The following MIR2052HG variants were observed in gnomAD, a reference collection of about 807,000 sequenced individuals.
MIR2052HG encodes the protein MIR2052 host gene.
chr8:74,692,009 G>T (rs1809244075), intron 2 of MIR2052HG, among the ~76,000 whole-genome samples: 1 of 152,154 alleles, frequency 6.6e-6, no homozygotes, highest in East Asian at 1.9e-4. Flanking sequence ...ATTCTTGTCT[G>T]TATCTCTCAA....
At chr8:74,663,751 G>A (rs1411538910) in intron 2 of MIR2052HG, among the ~76,000 whole-genome samples, 1 of 152,156 alleles carries the variant, frequency 6.6e-6, no homozygotes, top group Non-Finnish European at 1.5e-5. Flanking sequence ...ATTTGGGGAA[G>A]CATATAGAAA....
chr8:74,750,468 G>T (rs1259981149), intron 4 of MIR2052HG, among the ~76,000 whole-genome samples: 1 of 152,106 alleles, frequency 6.6e-6, no homozygotes, highest in Non-Finnish European at 1.5e-5. Flanking sequence ...ATGATACTCT[G>T]CTAAAATATC....
chr8:74,604,127 G>T (rs561506120), intron 1 of MIR2052HG: 1 of 893,998 alleles, frequency 1.1e-6, no homozygotes, highest in African/African-American at 1.6e-5. Flanking sequence ...CTCTCCTCGC[G>T]CATCTTCTTA....
At chr8:74,727,187 T>C (rs1809645797) in intron 4 of MIR2052HG, among the ~76,000 whole-genome samples, 1 of 152,208 alleles carries the variant, frequency 6.6e-6, no homozygotes, top group Non-Finnish European at 1.5e-5. Context: ...TAAAATCTGC[T>C]CTACATACAC....
intron 4 of MIR2052HG, among the ~76,000 whole-genome samples, chr8:74,732,930 G>T (rs1369258402): frequency 6.6e-6 from 1 of 152,100 alleles, no homozygotes; most frequent in East Asian, 1.9e-4. Context: ...TTCTAAATAT[G>T]TTGGGAAGCC....
chr8:74,690,534 G>C (rs1473574955), intron 2 of MIR2052HG, among the ~76,000 whole-genome samples: 1 of 152,018 alleles, frequency 6.6e-6, no homozygotes, highest in Non-Finnish European at 1.5e-5. Context: ...TGTAGTCCCA[G>C]CTATTCTGGA....
chr8:74,674,136 T>TTG (rs60255659), intron 2 of MIR2052HG, among the ~76,000 whole-genome samples: 3,765 of 145,390 alleles, frequency 0.026, 59 homozygotes, highest in Middle Eastern at 0.052. Context: ...CCAGAGGTTT[T>TTG]TGTGTGTGTG....
chr8:74,703,497 T>C (rs1809378150), intron 3 of MIR2052HG: 1 of 315,828 alleles, frequency 3.2e-6, no homozygotes, highest in Non-Finnish European at 6.3e-6. Context: ...CTGTACTCCA[T>C]GGATAACAGC....
chr8:74,677,606 AGAAGTAATAAATATAAGGTACTAT>A (rs1809068908), intron 2 of MIR2052HG, among the ~76,000 whole-genome samples: 1 of 152,108 alleles, frequency 6.6e-6, no homozygotes, highest in African/African-American at 2.4e-5. Context: ...GTCAAAAACC[AGAAGTAATAAATATAAGGTACTAT>A]GAAGAACTGG....
chr8:74,604,244 T>G, intron 1 of MIR2052HG: 2 of 874,974 alleles, frequency 2.3e-6, no homozygotes, highest in Non-Finnish European at 3.9e-6. Flanking sequence ...CTGGTTTCCA[T>G]GTCGAGCAGT....
intron 2 of MIR2052HG, among the ~76,000 whole-genome samples, chr8:74,644,891 A>AAAAAT (rs901265989): frequency 2.6e-5 from 4 of 152,106 alleles, no homozygotes; most frequent in Non-Finnish European, 5.9e-5. Flanking sequence ...ACCCTGGCTC[A>AAAAAT]AAAATAAAAT....
intron 2 of MIR2052HG, among the ~76,000 whole-genome samples, chr8:74,622,054 G>A (rs1466741993): frequency 6.6e-6 from 1 of 152,084 alleles, no homozygotes; most frequent in East Asian, 1.9e-4. Context: ...AGACAAACGG[G>A]ATTATATCAA....
chr8:74,662,433 T>C (rs1241649672), intron 2 of MIR2052HG, among the ~76,000 whole-genome samples: 1 of 121,618 alleles, frequency 8.2e-6, no homozygotes, highest in Non-Finnish European at 1.7e-5. Flanking sequence ...TGGGGCCTGC[T>C]GAGGGGTGGG....
At chr8:74,623,976 G>C (rs1335996246) in intron 2 of MIR2052HG, among the ~76,000 whole-genome samples, 2 of 152,138 alleles carry the variant, frequency 1.3e-5, no homozygotes, top group Admixed American at 6.5e-5. Context: ...GGAAGCAGTG[G>C]AGCCAAGCAG....
chr8:74,603,551 C>T, intron 1 of MIR2052HG: 1 of 1,527,372 alleles, frequency 6.5e-7, no homozygotes, highest in Non-Finnish European at 9.1e-7. Flanking sequence ...TCCAAACCTG[C>T]ACTGAATCCA....
intron 2 of MIR2052HG, among the ~76,000 whole-genome samples, chr8:74,668,319 T>C (rs1036895536): frequency 2.6e-5 from 4 of 152,142 alleles, no homozygotes; most frequent in African/African-American, 9.7e-5. Context: ...GCAGATTATA[T>C]ATGTACACAC....
In MIR2052HG at chr8:74,634,986, CT is replaced by C. The variant is rs541635545; in HGVS notation, n.216+22047del. Among the ~76,000 whole-genome samples, 776 of 152,054 alleles carry C rather than the reference CT, an allele frequency of 5.1e-3. 3 individuals carry two copies. The highest frequency in any genetic ancestry group is 8.6e-3 in the Non-Finnish European group (586 of 67,970). On this transcript the variant is annotated intron_variant and non_coding_transcript_variant, in intron 2 of 6. Transcript: ENST00000523442. ...AGAAGGAAAATGTATATTCATTAGT[CT>C]AATTTTTATCTAATAATTCCATGAA...
chr8:74,660,828 C>CT (rs11436837), intron 2 of MIR2052HG, among the ~76,000 whole-genome samples: 103,184 of 151,818 alleles, frequency 0.68, 36,358 homozygotes, highest in African/African-American at 0.87. Flanking sequence ...AAAAAGTAAT[C>CT]TTGCTTTCAT....
intron 5 of MIR2052HG, among the ~76,000 whole-genome samples, chr8:74,754,618 C>T (rs541262984): frequency 6.6e-6 from 1 of 152,284 alleles, no homozygotes; most frequent in East Asian, 1.9e-4. Context: ...CTGTGAAGCT[C>T]TTGCTTTAGA....
Sources: allele counts gnomAD v4.1 joint callset (sites outside exome capture counted in the v4.1 genomes callset), GRCh38; gene constraint gnomAD v4.1.1; transcripts MANE v1.5; gene names NCBI Gene and HGNC (gene_info 2026-07-23, HGNC 2026-07-21).